The following GRIA4 variants were observed in gnomAD, a reference collection of about 807,000 sequenced individuals.
GRIA4 encodes the protein glutamate ionotropic receptor AMPA type subunit 4, also known as glutamate receptor 4.
In GRIA4, 34 loss-of-function variants were observed where a neutral mutation model predicts 104.0. That is an observed-to-expected ratio of 0.33 (90% CI 0.25 to 0.44). The LOEUF (loss-of-function observed/expected upper bound fraction) is 0.44, where lower values mean the gene tolerates loss of function less well. Among genes scored for constraint, GRIA4 ranks in the 20% least tolerant of loss-of-function variants. The probability of loss-of-function intolerance (pLI) is 1.00; values close to 1 mark genes in which losing one functional copy is unlikely to be tolerated. For missense variants in GRIA4, 750 were observed against 1,096.5 expected, an observed-to-expected ratio of 0.68 and a Z score of 4.46; for synonymous variants, 386 against 381.9, an observed-to-expected ratio of 1.01 and a Z score of -0.13.
At chr11:105,795,212 G>A (rs1276743751) in intron 4 of GRIA4, among the ~76,000 whole-genome samples, 1 of 152,132 alleles carries the variant, frequency 6.6e-6, no homozygotes, top group African/African-American at 2.4e-5. Flanking sequence ...TCACCAGAAT[G>A]TTTAATAGGT....
chr11:105,779,596 G>A (rs1274451171), intron 4 of GRIA4, among the ~76,000 whole-genome samples: 2 of 151,502 alleles, frequency 1.3e-5, no homozygotes, highest in African/African-American at 4.9e-5. Context: ...TAACTAACCT[G>A]CACAATGTGC....
chr11:105,765,024 C>G (rs927244728), intron 4 of GRIA4, among the ~76,000 whole-genome samples: 1 of 152,152 alleles, frequency 6.6e-6, no homozygotes, highest in Admixed American at 6.6e-5. Context: ...ACCAGAAGTA[C>G]ATGACCAAAT....
At chr11:105,894,942 GGCGCCCGCCACC>G (rs1433009708) in intron 6 of GRIA4, among the ~76,000 whole-genome samples, 1 of 138,526 alleles carries the variant, frequency 7.2e-6, no homozygotes, top group Admixed American at 7.7e-5. Flanking sequence ...TGGGACTACA[GGCGCCCGCCACC>G]GCGCCCGGCT....
At chr11:105,653,107 TTCACCGTGC>T (rs1346486918) in intron 3 of GRIA4, among the ~76,000 whole-genome samples, 1 of 152,148 alleles carries the variant, frequency 6.6e-6, no homozygotes, top group Non-Finnish European at 1.5e-5. Flanking sequence ...GAGACGGGGT[TTCACCGTGC>T]TAGCCAGGAT....
rs1203081781 is a variant in GRIA4 at position 105,933,834 on chromosome 11, G to A, written c.2159G>A (p.Gly720Asp). 1 of 1,613,554 alleles carries A rather than the reference G, an allele frequency of 6.2e-7. No individual in the cohort carries two copies. Among genetic ancestry groups the A allele is most frequent in the Non-Finnish European group, 8.5e-7 (1 of 1,179,670 alleles). ...GTAGCTCGTGTCCGCAAATCCAAGG[G>A]CAAATTTGCCTTTCTCCTGGAGTCC... The part of the protein sequence containing the change: ...EGVARVRKSK[G>D]KFAFLLESTM... Residue 720 changes from glycine (G) to aspartate (D), a missense_variant, in exon 14 of 17, where the codon GGC (glycine) becomes GAC (aspartate). Physicochemically the swap from Gly to Asp is moderately conservative, Grantham distance 94. This residue lies in a region of GRIA4 where 272 missense variants were observed against 524.5 expected (regional missense o/e 0.52). Transcript: ENST00000282499.
intron 3 of GRIA4, among the ~76,000 whole-genome samples, chr11:105,647,959 AAAATAAAT>A (rs57841251): frequency 1.1e-4 from 17 of 147,936 alleles, no homozygotes; most frequent in African/African-American, 2.2e-4. Context: ...CCCCTGTATG[AAAATAAAT>A]AAATAAATAA....
At chr11:105,786,703 G>C (rs980058981) in intron 4 of GRIA4, among the ~76,000 whole-genome samples, 1 of 151,978 alleles carries the variant, frequency 6.6e-6, no homozygotes, top group Non-Finnish European at 1.5e-5. Context: ...TGGGTTTTTT[G>C]CTTCTTTGTA....
intron 9 of GRIA4, among the ~76,000 whole-genome samples, chr11:105,909,662 A>G (rs1373021849): frequency 1.3e-5 from 2 of 152,200 alleles, no homozygotes; most frequent in Non-Finnish European, 2.9e-5. Context: ...CAAGCACTCA[A>G]TATGTAGTAG....
At chr11:105,790,514 G>A (rs7934866) in intron 4 of GRIA4, among the ~76,000 whole-genome samples, 103,868 of 152,000 alleles carry the variant, frequency 0.68, 35,819 homozygotes, top group African/African-American at 0.79. Flanking sequence ...CTCCCTTGCC[G>A]GTTTTTAAAC....
At chr11:105,698,813 T>C (rs1953380373) in intron 3 of GRIA4, among the ~76,000 whole-genome samples, 1 of 152,224 alleles carries the variant, frequency 6.6e-6, no homozygotes. Context: ...AAGACCTATT[T>C]AGGAATGACA....
chr11:105,941,809 A>G (rs923000952), intron 14 of GRIA4, among the ~76,000 whole-genome samples: 12 of 152,104 alleles, frequency 7.9e-5, no homozygotes, highest in Admixed American at 5.9e-4. Flanking sequence ...AACTGGCAAG[A>G]GCTACCAACA....
rs541099371 is a variant in GRIA4, at chr11:105,687,885, T to C, written c.248-65096T>C. 1.0e-3 allele frequency among the ~76,000 whole-genome samples: 155 copies of C among 152,290 alleles called. 1 individual carries two copies. The South Asian group carries it at 0.03, about 29-fold the overall frequency. On this transcript the variant is annotated intron_variant, in intron 3 of 16. Coordinates refer to ENST00000282499, the MANE Select transcript of GRIA4 (RefSeq NM_000829.4). ...TCCTTAAAGTTTCTAGATATGTTTA[T>C]AAAGGCATGATTATCAATTTTATTT... is the stretch of plus-strand genomic sequence containing the variant.
intron 3 of GRIA4, among the ~76,000 whole-genome samples, chr11:105,641,452 A>G (rs1427729561): frequency 1.3e-5 from 2 of 152,198 alleles, no homozygotes; most frequent in African/African-American, 2.4e-5. Flanking sequence ...AGCTAAGACT[A>G]GAATATAGAG....
intron 3 of GRIA4, among the ~76,000 whole-genome samples, chr11:105,650,669 C>A (rs536145454): frequency 6.6e-6 from 1 of 152,068 alleles, no homozygotes; most frequent in African/African-American, 2.4e-5. Context: ...GAATTCCTGC[C>A]CTTGAGTCTC....
chr11:105,836,280 G>A (rs547814227), intron 4 of GRIA4, among the ~76,000 whole-genome samples: 2 of 152,006 alleles, frequency 1.3e-5, no homozygotes, highest in Non-Finnish European at 1.5e-5. Context: ...CACTTATCTT[G>A]CTCAGGGGGC....
intron 5 of GRIA4, among the ~76,000 whole-genome samples, chr11:105,886,330 T>C (rs562277585): frequency 1.3e-5 from 2 of 152,218 alleles, no homozygotes; most frequent in Non-Finnish European, 2.9e-5. Flanking sequence ...TTATCCTTTG[T>C]GTTATAAACA....
intron 8 of GRIA4, among the ~76,000 whole-genome samples, chr11:105,904,275 T>C (rs1946965078): frequency 1.3e-5 from 2 of 152,236 alleles, no homozygotes; most frequent in South Asian, 4.1e-4. Context: ...CACGTTAGAT[T>C]AGCAGGGGCT....
chr11:105,651,041 T>C (rs978940093), intron 3 of GRIA4, among the ~76,000 whole-genome samples: 2 of 152,126 alleles, frequency 1.3e-5, no homozygotes, highest in African/African-American at 4.8e-5. Flanking sequence ...ACTTTTCTAT[T>C]TACAAAATGA....
chr11:105,911,324 C>T (rs1370159096), intron 10 of GRIA4, among the ~76,000 whole-genome samples: 1 of 151,972 alleles, frequency 6.6e-6, no homozygotes, highest in Admixed American at 6.6e-5. Context: ...ATATTTTTCT[C>T]TTCTAAAGTC....
Sources: allele counts gnomAD v4.1 joint callset (sites outside exome capture counted in the v4.1 genomes callset), GRCh38; gene constraint gnomAD v4.1.1; regional missense constraint gnomAD v4.1.1; transcripts MANE v1.5; gene names NCBI Gene and HGNC (gene_info 2026-07-23, HGNC 2026-07-21).